CDH12: variants seen among roughly 807,000 people sequenced by gnomAD.
The protein encoded by CDH12 is cadherin-12.
CDH12 carries 41 observed loss-of-function variants against 74.1 expected under a neutral mutation model. That is an observed-to-expected ratio of 0.55 (90% CI 0.43 to 0.72). The LOEUF is 0.72. CDH12 is among the 30% of genes least tolerant of loss of function. The pLI is 0.00. For synonymous variants in CDH12, 399 were observed against 355.0 expected, an observed-to-expected ratio of 1.12 and a Z score of -1.39; for missense variants, 945 against 977.2, an observed-to-expected ratio of 0.97 and a Z score of 0.44.
chr5:21,854,036 T>G (rs1248979336), intron 7 of CDH12, among the ~76,000 whole-genome samples: 1 of 151,736 alleles, frequency 6.6e-6, no homozygotes, highest in Admixed American at 6.6e-5. Flanking sequence ...TGACCTCATT[T>G]ATTTAAAAGG....
At chr5:21,793,815 A>G (rs1296380140) in intron 10 of CDH12, among the ~76,000 whole-genome samples, 2 of 151,620 alleles carry the variant, frequency 1.3e-5, no homozygotes, top group Non-Finnish European at 3.0e-5. Flanking sequence ...GGAACAGCTT[A>G]TGAAATGATT....
chr5:22,101,824 T>C (rs923959625), intron 4 of CDH12, among the ~76,000 whole-genome samples: 17 of 152,194 alleles, frequency 1.1e-4, no homozygotes, highest in African/African-American at 4.1e-4. Context: ...ATAATTCAGG[T>C]ATTGGCAAAC....
At chr5:22,400,443 C>G (rs183044535) in intron 3 of CDH12, among the ~76,000 whole-genome samples, 1 of 151,692 alleles carries the variant, frequency 6.6e-6, no homozygotes, top group Non-Finnish European at 1.5e-5. Context: ...GAATACTGTG[C>G]TTGCAGAGAT....
At chr5:22,676,017 A>G (rs1008057912) in intron 1 of CDH12, among the ~76,000 whole-genome samples, 7 of 151,426 alleles carry the variant, frequency 4.6e-5, no homozygotes, top group Non-Finnish European at 1.0e-4. Context: ...AGTATAGGAT[A>G]TCAAAAGCAC....
intron 5 of CDH12, among the ~76,000 whole-genome samples, chr5:22,058,038 TA>T (rs1740871735): frequency 6.8e-6 from 1 of 147,754 alleles, no homozygotes; most frequent in African/African-American, 2.6e-5. Flanking sequence ...TCTATCTATC[TA>T]TCTATCATCT....
At position 22,645,089 on chromosome 5, in the gene CDH12, G is replaced by A. The variant is rs544337491; in HGVS notation, c.-522-139725C>T. 4.7e-4 allele frequency among the ~76,000 whole-genome samples: 71 copies of A among 152,152 alleles called. 1 individual carries two copies. The highest frequency in any genetic ancestry group is 9.1e-4 in the Non-Finnish European group (62 of 67,940). ...ATTTATTCTGCAGCCCATAGTTCAA[G>A]AGTAATCTTCACTTTCAAGTAGTAT... is the stretch of plus-strand genomic sequence containing the variant. On this transcript the variant is annotated intron_variant, in intron 1 of 14. Coordinates refer to ENST00000382254, the MANE Select transcript of CDH12 (RefSeq NM_004061.5).
chr5:22,003,314 T>C (rs1736714699), intron 5 of CDH12, among the ~76,000 whole-genome samples: 1 of 152,170 alleles, frequency 6.6e-6, no homozygotes. Flanking sequence ...AATGAAGTCA[T>C]CTGTCACCGT....
At chr5:22,229,639 C>T (rs13165025) in intron 3 of CDH12, among the ~76,000 whole-genome samples, 57,833 of 151,770 alleles carry the variant, frequency 0.38, 11,417 homozygotes, top group South Asian at 0.49. Context: ...TGTAAACTTT[C>T]GAGTACTTTT....
intron 3 of CDH12, among the ~76,000 whole-genome samples, chr5:22,277,233 A>G (rs1736673000): frequency 6.6e-6 from 1 of 152,234 alleles, no homozygotes; most frequent in Non-Finnish European, 1.5e-5. Flanking sequence ...CTGCTTCCCT[A>G]TAGCAACTGG....
In CDH12 at chr5:22,545,090, C is replaced by T. The variant is rs1738257727; in HGVS notation, c.-522-39726G>A. Among the ~76,000 whole-genome samples the T allele has an allele frequency of 3.9e-5, 6 of 152,256 alleles. No individual in the cohort carries two copies. The South Asian group carries it at 1.2e-3, about 32-fold the overall frequency. On this transcript the variant is annotated intron_variant, in intron 1 of 14. Transcript: ENST00000382254. Reference sequence around the variant, plus strand: ...TTTAGTGATGGGTTTTTACAAGATGCCTCTGGCTACTTTTGAGGTGGATAT... The same window carrying T: ...TTTAGTGATGGGTTTTTACAAGATGTCTCTGGCTACTTTTGAGGTGGATAT...
chr5:22,443,449 A>G (rs77119850), intron 2 of CDH12, among the ~76,000 whole-genome samples: 195 of 152,224 alleles, frequency 1.3e-3, no homozygotes, highest in African/African-American at 4.4e-3. Context: ...GTTGATACTT[A>G]GGTAGGTCTT....
intron 1 of CDH12, among the ~76,000 whole-genome samples, chr5:22,794,322 G>A (rs1422639639): frequency 1.3e-5 from 2 of 152,162 alleles, no homozygotes; most frequent in African/African-American, 4.8e-5. Flanking sequence ...TTGAGTACTA[G>A]AAAAGAGTCC....
At chr5:22,480,693 C>T (rs1746353755) in intron 2 of CDH12, among the ~76,000 whole-genome samples, 1 of 152,084 alleles carries the variant, frequency 6.6e-6, no homozygotes, top group African/African-American at 2.4e-5. Context: ...TGAGCTTTTC[C>T]TCAAACAAGT....
intron 4 of CDH12, among the ~76,000 whole-genome samples, chr5:22,087,292 C>T (rs1396270244): frequency 6.6e-6 from 1 of 152,034 alleles, no homozygotes; most frequent in Non-Finnish European, 1.5e-5. Flanking sequence ...AAATAAGGTA[C>T]AATCTACTTT....
At chr5:22,041,858 C>A (rs182819925) in intron 5 of CDH12, among the ~76,000 whole-genome samples, 24 of 152,246 alleles carry the variant, frequency 1.6e-4, no homozygotes, top group Non-Finnish European at 1.5e-4. Flanking sequence ...AATACAGATT[C>A]TTCTCCCATG....
chr5:22,496,473 A>T (rs1747108801), intron 2 of CDH12, among the ~76,000 whole-genome samples: 1 of 152,200 alleles, frequency 6.6e-6, no homozygotes, highest in East Asian at 1.9e-4. Flanking sequence ...GTTTTTGTGA[A>T]TTTGGAACTA....
At chr5:21,871,530 C>G (rs561235097) in intron 6 of CDH12, among the ~76,000 whole-genome samples, 2 of 152,102 alleles carry the variant, frequency 1.3e-5, no homozygotes, top group Admixed American at 1.3e-4. Context: ...GTCAAAAGTT[C>G]GCGACCAGCC....
intron 3 of CDH12, among the ~76,000 whole-genome samples, chr5:22,294,157 T>C (rs920676779): frequency 1.3e-5 from 2 of 151,906 alleles, no homozygotes; most frequent in East Asian, 1.9e-4. Flanking sequence ...TAAAAATAGA[T>C]GTGAGATAGA....
intron 1 of CDH12, among the ~76,000 whole-genome samples, chr5:22,573,561 C>T (rs1739639230): frequency 2.0e-5 from 3 of 152,138 alleles, no homozygotes; most frequent in South Asian, 4.2e-4. Context: ...ACTCTAATTG[C>T]CTTTCTAAAA....
Sources: allele counts gnomAD v4.1 joint callset (sites outside exome capture counted in the v4.1 genomes callset), GRCh38; gene constraint gnomAD v4.1.1; transcripts MANE v1.5; gene names NCBI Gene and HGNC (gene_info 2026-07-23, HGNC 2026-07-21).